Variants in NDUFA5 observed in about 807,000 individuals in gnomAD.
NDUFA5 encodes the protein NADH:ubiquinone oxidoreductase subunit A5.
A neutral mutation model predicts 19.8 loss-of-function variants in NDUFA5; 11 were observed. The observed-to-expected ratio is 0.56, with a 90% CI of 0.35 to 0.92. NDUFA5 has a LOEUF of 0.92. Ranked by LOEUF, NDUFA5 falls within the 40% of genes least tolerant of loss-of-function variation. NDUFA5 has a pLI of 0.01. For synonymous variants in NDUFA5, 47 were observed against 46.8 expected (o/e 1.00, Z -0.01); for missense variants, 109 against 134.2 (o/e 0.81, Z 0.93).
chr7:123,549,321 A>G (rs769689613), intron 3 of NDUFA5, among the ~76,000 whole-genome samples: 13 of 152,374 alleles, frequency 8.5e-5, no homozygotes, highest in Non-Finnish European at 1.8e-4. Context: ...GGAACCAGTA[A>G]GTAAAGAAGT....
chr7:123,597,920 G>GTGTGTGTA, the NDUFA5 span, among the ~76,000 whole-genome samples: 1 of 72,832 alleles, frequency 1.4e-5, no homozygotes, highest in African/African-American at 4.8e-5. Context: ...CAAACTTCGT[G>GTGTGTGTA]TGTGTGTGTG....
At chr7:123,592,698 C>T in the NDUFA5 span, among the ~76,000 whole-genome samples, 3 of 152,152 alleles carry the variant, frequency 2.0e-5, no homozygotes, top group African/African-American at 7.2e-5. Flanking sequence ...GAGTGTTTTA[C>T]TTCCAATTTT....
At chr7:123,549,255 A>C (rs1798245197) in intron 3 of NDUFA5, among the ~76,000 whole-genome samples, 1 of 152,202 alleles carries the variant, frequency 6.6e-6, no homozygotes, top group South Asian at 2.1e-4. Context: ...GTATAATGGA[A>C]GTACAAACAG....
intron 3 of NDUFA5, among the ~76,000 whole-genome samples, chr7:123,547,502 C>T (rs1366713972): frequency 1.3e-5 from 2 of 151,908 alleles, no homozygotes; most frequent in East Asian, 3.9e-4. Context: ...TGCCTAGAAC[C>T]ATACATGGCA....
At chr7:123,576,178 C>G in the NDUFA5 span, among the ~76,000 whole-genome samples, 1 of 149,834 alleles carries the variant, frequency 6.7e-6, no homozygotes, top group Non-Finnish European at 1.5e-5. Flanking sequence ...TTTTTATGGT[C>G]CTGTAATCCT....
the NDUFA5 span, among the ~76,000 whole-genome samples, chr7:123,576,161 T>C: frequency 2.0e-5 from 3 of 151,666 alleles, no homozygotes; most frequent in African/African-American, 7.2e-5. Context: ...ATTTTCATCT[T>C]CTATATTTTT....
chr7:123,546,641 G>A (rs533931611), intron 3 of NDUFA5: 1 of 1,271,072 alleles, frequency 7.9e-7, no homozygotes, highest in Non-Finnish European at 1.0e-6. Flanking sequence ...ATGGAATAAA[G>A]AGGGAGAAAA....
rs200520770 is a variant in NDUFA5 at position 123,545,566 on chromosome 7, T to G, written c.249+45A>C. On this transcript the variant is annotated intron_variant, in intron 4 of 4. Coordinates refer to ENST00000355749, the MANE Select transcript of NDUFA5 (RefSeq NM_005000.5). The stretch of plus-strand genomic sequence containing the variant: ...CTTTCATTCTAGAACGTCAGTTGTG[T>G]GTCTCTATGAAACCAAACACCTAAA... 114 of 1,446,390 alleles carry G rather than the reference T, an allele frequency of 7.9e-5. No homozygotes were observed. The East Asian group carries it at 2.1e-3, about 26-fold the overall frequency. The allele number at this position is 1,446,390 out of a possible 1,614,324, so 89.6% of individuals were successfully genotyped here.
rs1562888275 is a variant in NDUFA5 at position 123,538,907 on chromosome 7, T to TA, written c.*3211dup. Reference sequence around the variant, plus strand: ...TTCCTATATATTGTCATCTCCCTTTTAAAAAAGATACATTCATAAACATTG... The same window carrying TA: ...TTCCTATATATTGTCATCTCCCTTTTAAAAAAAGATACATTCATAAACATTG... On this transcript the variant is annotated 3_prime_UTR_variant, in exon 5 of 5. Transcript: ENST00000355749. 1 of 152,206 alleles carries TA rather than the reference T, an allele frequency of 6.6e-6. No homozygotes were observed. Among genetic ancestry groups the TA allele is most frequent in the South Asian group, 2.1e-4 (1 of 4,836 alleles). 9.4% of individuals were successfully genotyped at this position (152,206 alleles called of 1,614,324 possible).
At chr7:123,565,618 C>A in the NDUFA5 span, among the ~76,000 whole-genome samples, 1 of 152,194 alleles carries the variant, frequency 6.6e-6, no homozygotes, top group African/African-American at 2.4e-5. Context: ...CGGTGGCTCA[C>A]GCCTGTAATC....
the NDUFA5 span, among the ~76,000 whole-genome samples, chr7:123,595,289 G>C: frequency 6.6e-6 from 1 of 152,112 alleles, no homozygotes; most frequent in South Asian, 2.1e-4. Flanking sequence ...ACCATCCCTT[G>C]ATGATCTTCA....
chr7:123,544,498 C>T (rs1247850111), intron 4 of NDUFA5, among the ~76,000 whole-genome samples: 1 of 72,956 alleles, frequency 1.4e-5, no homozygotes, highest in Admixed American at 1.6e-4. Context: ...AACTCCATCT[C>T]AAAAAAAAAA....
At chr7:123,548,669 A>G (rs1798221026) in intron 3 of NDUFA5, among the ~76,000 whole-genome samples, 1 of 152,226 alleles carries the variant, frequency 6.6e-6, no homozygotes, top group Non-Finnish European at 1.5e-5. Context: ...ACCAAGAGCC[A>G]GAACTTAGAA....
the NDUFA5 span, among the ~76,000 whole-genome samples, chr7:123,568,509 G>A: frequency 6.9e-5 from 10 of 145,972 alleles, no homozygotes; most frequent in East Asian, 2.0e-4. Context: ...CAACAAGAGC[G>A]AAAGTCCATC....
Position 123,542,213 on chromosome 7 carries a change from T to A in NDUFA5, c.257A>T (p.His86Leu). ...QLEEVILQAE[H>L]ELNLARKMRE... ...CATTTTTCTTGCCAGATTTAGTTCA[T>A]GTTCAGCCTGTTAATACAAATTTTT... The change falls in exon 5 of 5, where the codon CAT (histidine) becomes CTT (leucine). Residue 86 changes from histidine (H) to leucine (L), a missense_variant. Physicochemically the swap from His to Leu is moderately conservative, Grantham distance 99. Coordinates refer to ENST00000355749, the MANE Select transcript of NDUFA5 (RefSeq NM_005000.5). 1 of 1,609,674 alleles carries A rather than the reference T, an allele frequency of 6.2e-7. No individual in the cohort carries two copies. The highest frequency in any genetic ancestry group is 8.5e-7 in the Non-Finnish European group (1 of 1,178,134).
At chr7:123,596,163 T>C in the NDUFA5 span, among the ~76,000 whole-genome samples, 2 of 138,674 alleles carry the variant, frequency 1.4e-5, no homozygotes, top group African/African-American at 2.7e-5. Context: ...ATTTACCTCT[T>C]ATATTGGAAA....
chr7:123,583,071 A>G, the NDUFA5 span, among the ~76,000 whole-genome samples: 3 of 151,914 alleles, frequency 2.0e-5, no homozygotes, highest in South Asian at 6.2e-4. Flanking sequence ...AAAATTATAG[A>G]CTGTTCAGAT....
chr7:123,587,213 T>C, the NDUFA5 span, among the ~76,000 whole-genome samples: 9 of 151,738 alleles, frequency 5.9e-5, no homozygotes, highest in Non-Finnish European at 1.3e-4. Context: ...GTGTCTTCTT[T>C]CAATGTCTTT....
At chr7:123,550,135 TA>T (rs1465135751) in intron 3 of NDUFA5, 1 of 184,986 alleles carries the variant, frequency 5.4e-6, no homozygotes, top group Non-Finnish European at 1.1e-5. Flanking sequence ...TATTGTTCTC[TA>T]AGATTAGAAA....
Sources: allele counts gnomAD v4.1 joint callset (sites outside exome capture counted in the v4.1 genomes callset), GRCh38; gene constraint gnomAD v4.1.1; transcripts MANE v1.5; gene names NCBI Gene and HGNC (gene_info 2026-07-23, HGNC 2026-07-21).